The following DNAH10 variants were observed in gnomAD, a reference collection of about 807,000 sequenced individuals.
The protein encoded by DNAH10 is axonemal beta dynein heavy chain 10.
Under a neutral mutation model 506.6 loss-of-function variants are expected in DNAH10, and 348 were observed. The ratio of observed to expected loss-of-function variants is 0.69; its 90% CI spans 0.63 to 0.75. The LOEUF (loss-of-function observed/expected upper bound fraction) is 0.75, where lower values mean the gene tolerates loss of function less well. Among genes scored for constraint, DNAH10 ranks in the 30% least tolerant of loss-of-function variants. The pLI, the probability that DNAH10 is intolerant of heterozygous loss-of-function variation, is 0.00. For synonymous variants in DNAH10, 2,059 were observed against 2,198.6 expected (o/e 0.94, Z 1.78); for missense variants, 5,179 against 5,787.1 (o/e 0.89, Z 3.41).
chr12:123,826,501 G>C (rs1960004939), intron 24 of DNAH10, among the ~76,000 whole-genome samples, 186 bp from the exon 25 acceptor site: 1 of 152,198 alleles, frequency 6.6e-6, no homozygotes, highest in Non-Finnish European at 1.5e-5. Context: ...CTTACAAAAA[G>C]TGGAATTCTT....
intron 65 of DNAH10, among the ~76,000 whole-genome samples, chr12:123,921,493 G>A (rs932464148): frequency 6.6e-6 from 1 of 152,106 alleles, no homozygotes; most frequent in African/African-American, 2.4e-5. Flanking sequence ...CTGACGGCTT[G>A]TCAAACAAGC....
chr12:123,812,281 C>A (rs1958969215), intron 19 of DNAH10, among the ~76,000 whole-genome samples: 1 of 152,058 alleles, frequency 6.6e-6, no homozygotes, highest in Non-Finnish European at 1.5e-5. Flanking sequence ...GAAACCCCAT[C>A]TCTACTAAAA....
rs1301563443 is a variant in DNAH10 at position 123,853,963 on chromosome 12, G to GT, written c.6438+612dup. Among the ~76,000 whole-genome samples, 3 of 147,640 alleles carry GT rather than the reference G, an allele frequency of 2.0e-5. No homozygotes were observed. In the East Asian group the frequency reaches 6.3e-4, roughly 31 times the overall value. ...ACGCACACACACACACATTTGGGTA[G>GT]TAAAAAAAAAACAGCCGTGAGTGCA... On this transcript the variant is annotated intron_variant, in intron 36 of 78. Coordinates refer to ENST00000673944, the MANE Select transcript of DNAH10 (RefSeq NM_001372106.1). This position sits in a 1 kb window ranked among gnomAD's most constrained non-coding sequence, Gnocchi z 4.7.
intron 35 of DNAH10, among the ~76,000 whole-genome samples, chr12:123,852,461 A>G (rs1951212465): frequency 1.3e-5 from 2 of 152,088 alleles, no homozygotes; most frequent in African/African-American, 4.8e-5. Flanking sequence ...GCACGATGAG[A>G]TCTCTTGTTC....
At chr12:123,764,439 G>A (rs999058576) in intron 1 of DNAH10, among the ~76,000 whole-genome samples, 9 of 151,988 alleles carry the variant, frequency 5.9e-5, no homozygotes, top group Non-Finnish European at 1.0e-4. Flanking sequence ...CACACTCGCA[G>A]GATTGACCGT....
At position 123,845,588 on chromosome 12, in the gene DNAH10, C is replaced by T. The variant is rs746875454; in HGVS notation, c.5361-12C>T. 13 of 1,611,186 alleles carry T rather than the reference C, an allele frequency of 8.1e-6. No individual in the cohort carries two copies. The highest frequency in any genetic ancestry group is 1.7e-5 in the Admixed American group (1 of 59,980). On this transcript the variant is annotated splice_polypyrimidine_tract_variant and intron_variant, in intron 30 of 78. Transcript: ENST00000673944. ...TTGATCAGAGCCTCTTACAGGTGTGCGTTTTCTGCAGAGTCGACTGGATGC... is the reference window on the plus strand; with the variant it reads ...TTGATCAGAGCCTCTTACAGGTGTGTGTTTTCTGCAGAGTCGACTGGATGC...
At chr12:123,931,139 C>A (rs1364487683) in intron 73 of DNAH10, among the ~76,000 whole-genome samples, 1 of 151,888 alleles carries the variant, frequency 6.6e-6, no homozygotes, top group Non-Finnish European at 1.5e-5. Flanking sequence ...AGCTTGAGCC[C>A]AGGAGGTCGA....
At chr12:123,806,306 G>T (rs1378189128) in intron 18 of DNAH10, among the ~76,000 whole-genome samples, 4 of 152,136 alleles carry the variant, frequency 2.6e-5, no homozygotes, top group Admixed American at 2.6e-4. Flanking sequence ...CATGTTCTGT[G>T]CTGGACTCTT....
intron 11 of DNAH10, among the ~76,000 whole-genome samples, chr12:123,792,003 G>T (rs1259138110): frequency 6.6e-6 from 1 of 152,034 alleles, no homozygotes; most frequent in Non-Finnish European, 1.5e-5. Context: ...AAGCCGATGT[G>T]GTTATTTTCT....
chr12:123,906,266 G>A (rs1482918880), intron 57 of DNAH10, among the ~76,000 whole-genome samples: 1 of 149,992 alleles, frequency 6.7e-6, no homozygotes, highest in Non-Finnish European at 1.5e-5. Flanking sequence ...TTTTGAGACA[G>A]AGTCTCATTC....
At chr12:123,915,732 G>A (rs1183537370) in intron 62 of DNAH10, among the ~76,000 whole-genome samples, 3 of 152,110 alleles carry the variant, frequency 2.0e-5, no homozygotes, top group South Asian at 2.1e-4. Context: ...ATGATATTCC[G>A]GTGTATGAAC....
At chr12:123,795,678 T>C (rs1958250079) in intron 12 of DNAH10, among the ~76,000 whole-genome samples, 1 of 152,218 alleles carries the variant, frequency 6.6e-6, no homozygotes, top group Non-Finnish European at 1.5e-5. Flanking sequence ...TTCCCCTTTG[T>C]CATGTAACAT....
intron 18 of DNAH10, among the ~76,000 whole-genome samples, chr12:123,806,908 C>T (rs752481883): frequency 5.3e-5 from 8 of 152,120 alleles, no homozygotes; most frequent in Non-Finnish European, 1.2e-4. Flanking sequence ...GCTGGGACTA[C>T]AGGTGCCCAC....
In DNAH10 at chr12:123,917,869, G is replaced by A. The variant is rs1164413273; in HGVS notation, c.11232+56G>A. On this transcript the variant is annotated intron_variant, in intron 64 of 78. Transcript: ENST00000673944. This position sits in a 1 kb window ranked among gnomAD's most constrained non-coding sequence, Gnocchi z 5.6. ...CAGGCGGGGCCTGCATGCGCCGTTG[G>A]AGCGTCCATTTCTCTGTCTGCTCAA... The A allele has an allele frequency of 2.6e-6, 4 of 1,520,810 alleles. No individual in the cohort carries two copies. Among genetic ancestry groups the A allele is most frequent in the Non-Finnish European group, 3.6e-6 (4 of 1,123,074 alleles). The allele number at this position is 1,520,810 out of a possible 1,614,324, so 94.2% of individuals were successfully genotyped here.
intron 13 of DNAH10, 44 bp from the exon 14 acceptor site, chr12:123,799,201 GT>G: frequency 1.9e-6 from 3 of 1,555,896 alleles, no homozygotes; most frequent in Non-Finnish European, 1.8e-6. Flanking sequence ...GATGAAAAAT[GT>G]TATTTTCAAG....
intron 40 of DNAH10, 88 bp downstream of exon 40, chr12:123,864,818 T>C (rs749483615): frequency 1.0e-5 from 15 of 1,453,728 alleles, no homozygotes; most frequent in Non-Finnish European, 1.4e-5. Flanking sequence ...TAAATGTAGA[T>C]GATTATTTAA....
At position 123,914,922 on chromosome 12, in the gene DNAH10, C is replaced by T. The variant is rs558787392; in HGVS notation, c.10645C>T (p.Arg3549Cys). 32 of 1,613,270 alleles carry T rather than the reference C, an allele frequency of 2.0e-5. 1 individual carries two copies. Among genetic ancestry groups the T allele is most frequent in the Non-Finnish European group, 2.2e-5 (26 of 1,179,646 alleles). The change falls in exon 62 of 79, where the codon CGC (arginine) becomes TGC (cysteine). Residue 3549 changes from arginine (R) to cysteine (C), a missense_variant. Coordinates refer to ENST00000673944, the MANE Select transcript of DNAH10 (RefSeq NM_001372106.1). Reference sequence around the variant, plus strand: ...TGGCATCCTCACCACCCGGGCCAGCCGCTTCCCTCTGTGTATCGACCCCCA... The same window carrying T: ...TGGCATCCTCACCACCCGGGCCAGCTGCTTCCCTCTGTGTATCGACCCCCA... ...QNGILTTRAS[R>C]FPLCIDPQQQ... is the part of the protein sequence containing the mutation.
Position 123,916,657 on chromosome 12 carries a change from A to G in DNAH10, c.10923A>G (p.Arg3641=). 6.2e-7 allele frequency: 1 copy of G among 1,613,922 alleles called. No homozygotes were observed. Among genetic ancestry groups the G allele is most frequent in the Non-Finnish European group, 8.5e-7 (1 of 1,179,876 alleles). ...AAGTGGACTATGATTCAAATTTCAG[A>G]CTGTACCTGAACACCAAGCTGGCCA... ...DKEVDYDSNF[R]LYLNTKLANP... is the part of the protein sequence containing the mutation. The change falls in exon 63 of 79, where the codon AGA becomes AGG. Residue 3641 remains arginine, a synonymous_variant. Transcript: ENST00000673944. This position sits in a 1 kb window ranked among gnomAD's most constrained non-coding sequence, Gnocchi z 4.6.
In DNAH10 at chr12:123,903,216, A is replaced by G; in HGVS notation, c.9815+103A>G. The G allele has an allele frequency of 1.5e-6, 2 of 1,370,370 alleles. No individual in the cohort carries two copies. Among genetic ancestry groups the G allele is most frequent in the South Asian group, 3.0e-5 (2 of 67,062 alleles). The allele number at this position is 1,370,370 out of a possible 1,614,324, so 84.9% of individuals were successfully genotyped here. ...GAGCTTACAAAGGAGCCGATGCCAC[A>G]TGCTGCCACTGTGCCTGGCTCTCTC... On this transcript the variant is annotated intron_variant, in intron 57 of 78. Coordinates refer to ENST00000673944, the MANE Select transcript of DNAH10 (RefSeq NM_001372106.1). This position sits in a 1 kb window ranked among gnomAD's most constrained non-coding sequence, Gnocchi z 4.6.
Sources: allele counts gnomAD v4.1 joint callset (sites outside exome capture counted in the v4.1 genomes callset), GRCh38; gene constraint gnomAD v4.1.1; non-coding constraint Gnocchi (gnomAD v3.1); transcripts MANE v1.5; gene names NCBI Gene and HGNC (gene_info 2026-07-23, HGNC 2026-07-21).